Variants in ULK4 observed in about 807,000 individuals in gnomAD.
ULK4 encodes inactive serine/threonine-protein kinase ULK4.
In ULK4, 133 loss-of-function variants were observed where a neutral mutation model predicts 160.6. That is an observed-to-expected ratio of 0.83 (90% CI 0.72 to 0.96). The LOEUF (loss-of-function observed/expected upper bound fraction) is 0.96, where lower values mean the gene tolerates loss of function less well. Among genes scored for constraint, ULK4 ranks in the 40% least tolerant of loss-of-function variants. The pLI, the probability that ULK4 is intolerant of heterozygous loss-of-function variation, is 0.00. For synonymous variants in ULK4, 534 were observed against 539.8 expected (o/e 0.99, Z 0.15); for missense variants, 1,580 against 1,499.5 (o/e 1.05, Z -0.89).
chr3:41,821,119 G>A (rs776514289), intron 18 of ULK4, among the ~76,000 whole-genome samples: 8 of 151,980 alleles, frequency 5.3e-5, no homozygotes, highest in African/African-American at 1.7e-4. Context: ...TTAGAATCCC[G>A]TACCCATCAT....
chr3:41,910,385 G>A (rs540822993), intron 11 of ULK4, among the ~76,000 whole-genome samples: 4 of 152,210 alleles, frequency 2.6e-5, no homozygotes, highest in African/African-American at 9.6e-5. Flanking sequence ...CCTAAGGTCA[G>A]GAGTTCAAGA....
chr3:41,652,438 G>GTTTGT (rs1476501217), intron 30 of ULK4, among the ~76,000 whole-genome samples: 1 of 152,158 alleles, frequency 6.6e-6, no homozygotes, highest in Admixed American at 6.5e-5. Context: ...AAAGACCTGG[G>GTTTGT]TTTGTTTCTG....
Position 41,400,540 on chromosome 3 carries a change from T to C in ULK4, c.3493-2276A>G, listed in dbSNP as rs1025556659. Among the ~76,000 whole-genome samples, 5 of 152,204 alleles carry C rather than the reference T, an allele frequency of 3.3e-5. No homozygotes were observed. The East Asian group carries it at 9.6e-4, about 29-fold the overall frequency. On this transcript the variant is annotated intron_variant, in intron 34 of 36. Coordinates refer to ENST00000301831, the MANE Select transcript of ULK4 (RefSeq NM_017886.4). ...ATTTCTTTTTATTACTGAGTACTAT[T>C]CCATGACATAGATGTACCATAGTTT...
intron 18 of ULK4, among the ~76,000 whole-genome samples, chr3:41,833,297 T>G (rs6773101): frequency 0.74 from 102,496 of 139,040 alleles, 37,726 homozygotes; most frequent in East Asian, 0.82. Context: ...TTTTTTTTTT[T>G]TTTGTTTGTT....
At chr3:41,377,534 A>C (rs2081534064) in intron 35 of ULK4, among the ~76,000 whole-genome samples, 1 of 147,914 alleles carries the variant, frequency 6.8e-6, no homozygotes, top group African/African-American at 2.6e-5. Context: ...CAAGAAAAAA[A>C]CAAACAACCC....
intron 5 of ULK4, among the ~76,000 whole-genome samples, chr3:41,929,427 G>A (rs1255081663): frequency 3.3e-5 from 5 of 152,076 alleles, no homozygotes; most frequent in East Asian, 1.9e-4. Flanking sequence ...TTTGAAATCC[G>A]GCACAAGACA....
Position 41,789,841 on chromosome 3 carries a change from G to A in ULK4, c.2013C>T (p.Ala671=), listed in dbSNP as rs1433742029. The A allele has an allele frequency of 6.2e-7, 1 of 1,603,432 alleles. No homozygotes were observed. Among genetic ancestry groups the A allele is most frequent in the Admixed American group, 1.7e-5 (1 of 58,384 alleles). ...ADSLRITAVS[A]LCRITRHSPT... ...GAGAATGGCGAGTGATTCTACACAAGGCCTACAAAGACAAGAGAACAGACC... is the reference window on the plus strand; with the variant it reads ...GAGAATGGCGAGTGATTCTACACAAAGCCTACAAAGACAAGAGAACAGACC... Residue 671 remains alanine, a splice_region_variant and synonymous_variant, in exon 21 of 37, where the codon GCC becomes GCT. Transcript: ENST00000301831.
intron 35 of ULK4, among the ~76,000 whole-genome samples, chr3:41,397,691 A>G (rs2082091167): frequency 6.6e-6 from 1 of 152,166 alleles, no homozygotes; most frequent in African/African-American, 2.4e-5. Context: ...AAGGCTATGA[A>G]AGTTACTGGG....
intron 34 of ULK4, among the ~76,000 whole-genome samples, chr3:41,433,627 T>C (rs960119256): frequency 1.3e-5 from 2 of 152,242 alleles, no homozygotes; most frequent in Admixed American, 6.5e-5. Flanking sequence ...CTAATTTGAT[T>C]ATGGTATGTT....
intron 32 of ULK4, among the ~76,000 whole-genome samples, chr3:41,540,614 C>G (rs978501008): frequency 3.3e-5 from 5 of 152,228 alleles, no homozygotes; most frequent in Non-Finnish European, 7.3e-5. Context: ...AATCACCACA[C>G]TGTCCTCCAC....
At chr3:41,253,553 TTAA>T (rs2078776972) in intron 35 of ULK4, among the ~76,000 whole-genome samples, 1 of 151,408 alleles carries the variant, frequency 6.6e-6, no homozygotes, top group Non-Finnish European at 1.5e-5. Flanking sequence ...AAATTAAAAT[TTAA>T]TATTAAAAAT....
chr3:41,781,007 G>C (rs2039821402), intron 21 of ULK4, among the ~76,000 whole-genome samples: 1 of 151,958 alleles, frequency 6.6e-6, no homozygotes. Flanking sequence ...CAGAGAAAGA[G>C]AAGATAGAGG....
chr3:41,836,207 T>G (rs1318305285), intron 17 of ULK4, among the ~76,000 whole-genome samples: 1 of 151,956 alleles, frequency 6.6e-6, no homozygotes, highest in Non-Finnish European at 1.5e-5. Context: ...ATAATTTTTT[T>G]TTTAACCCAG....
At chr3:41,346,018 G>C (rs2080791364) in intron 35 of ULK4, among the ~76,000 whole-genome samples, 1 of 151,928 alleles carries the variant, frequency 6.6e-6, no homozygotes, top group Non-Finnish European at 1.5e-5. Flanking sequence ...GACTGATAGG[G>C]CCAGAACAGG....
chr3:41,903,038 C>A (rs1698429823), intron 12 of ULK4, among the ~76,000 whole-genome samples: 1 of 152,000 alleles, frequency 6.6e-6, no homozygotes, highest in African/African-American at 2.4e-5. Context: ...CAGGTTACTG[C>A]AAAGCCTGGA....
intron 22 of ULK4, among the ~76,000 whole-genome samples, chr3:41,733,793 G>T (rs2037921613): frequency 7.2e-6 from 1 of 139,842 alleles, no homozygotes; most frequent in Non-Finnish European, 1.5e-5. Context: ...GGAGTGCAGT[G>T]GCGCAATCTC....
intron 21 of ULK4, among the ~76,000 whole-genome samples, chr3:41,783,328 G>A (rs2039910252): frequency 6.6e-6 from 1 of 152,050 alleles, no homozygotes; most frequent in African/African-American, 2.4e-5. Flanking sequence ...CTTGAGGCCA[G>A]GAGTTCGAGA....
In ULK4 at chr3:41,916,045, A is replaced by C. The variant is rs200190329; in HGVS notation, c.735T>G (p.Ser245=). The stretch of plus-strand genomic sequence containing the variant: ...TAAAATCTGAAGAAGCTTTAGGACG[A>C]GAAGAATCTATAAATGAATTAATTT... The part of the protein sequence containing the change: ...DPLPPIPKDS[S]RPKASSDFIN... The change falls in exon 8 of 37, where the codon TCT becomes TCG. Residue 245 remains serine, a synonymous_variant. Coordinates refer to ENST00000301831, the MANE Select transcript of ULK4 (RefSeq NM_017886.4). The C allele has an allele frequency of 1.0e-4, 163 of 1,577,142 alleles. 1 individual carries two copies. The highest frequency in any genetic ancestry group is 2.5e-4 in the Admixed American group (12 of 48,690).
At chr3:41,610,308 T>A (rs1430978195) in intron 31 of ULK4, among the ~76,000 whole-genome samples, 2 of 152,136 alleles carry the variant, frequency 1.3e-5, no homozygotes, top group Non-Finnish European at 2.9e-5. Flanking sequence ...GCCCAGCCAA[T>A]ATATACATTT....
Sources: gnomAD v4.1 joint callset for allele counts (sites outside exome capture counted in the v4.1 genomes callset) on GRCh38, gnomAD v4.1.1 for gene constraint, MANE v1.5 for transcripts, NCBI Gene and HGNC (gene_info 2026-07-23, HGNC 2026-07-21) for gene names.